Variants in APAF1 observed in about 807,000 individuals in gnomAD.
APAF1 encodes apoptotic peptidase activating factor 1.
Under a neutral mutation model 152.4 loss-of-function variants are expected in APAF1, and 91 were observed. The ratio of observed to expected loss-of-function variants is 0.60; its 90% CI spans 0.50 to 0.71. The LOEUF is 0.71. APAF1 is among the 30% of genes least tolerant of loss of function. The pLI, the probability that APAF1 is intolerant of heterozygous loss-of-function variation, is 0.00. For missense variants in APAF1, 1,283 were observed against 1,472.0 expected (o/e 0.87, Z 2.10); for synonymous variants, 484 against 494.1 (o/e 0.98, Z 0.27).
chr12:98,662,642 T>A, intron 6 of APAF1, 33 bp from the exon 7 acceptor site: 1 of 1,611,972 alleles, frequency 6.2e-7, no homozygotes, highest in Non-Finnish European at 8.5e-7. Flanking sequence ...ACATACCAAA[T>A]TACTTACTTT....
At position 98,680,298 on chromosome 12, in the gene APAF1, G is replaced by C. The variant is rs1205407334; in HGVS notation, c.1942G>C (p.Glu648Gln). 2 of 1,609,756 alleles carry C rather than the reference G, an allele frequency of 1.2e-6. No individual in the cohort carries two copies. Among genetic ancestry groups the C allele is most frequent in the Admixed American group, 1.7e-5 (1 of 59,534 alleles). Residue 648 changes from glutamate (E) to glutamine (Q), a missense_variant, in exon 14 of 27, where the codon GAG becomes CAG. Transcript: ENST00000551964. ...TLQVFKAETG[E>Q]KLLEIKAHED... Reference sequence around the variant, plus strand: ...GCAGGTGTTCAAAGCTGAAACAGGAGAGAAACTTCTAGAAATCAAGGCTCA... The same window carrying C: ...GCAGGTGTTCAAAGCTGAAACAGGACAGAAACTTCTAGAAATCAAGGCTCA...
At chr12:98,654,345 G>C (rs2097653644) in intron 4 of APAF1, among the ~76,000 whole-genome samples, 1 of 152,114 alleles carries the variant, frequency 6.6e-6, no homozygotes, top group South Asian at 2.1e-4. Context: ...ATTAAAATAT[G>C]AAAGAATTTA....
At chr12:98,698,768 G>A (rs567642525) in intron 16 of APAF1, among the ~76,000 whole-genome samples, 1 of 152,344 alleles carries the variant, frequency 6.6e-6, no homozygotes, top group East Asian at 1.9e-4. Flanking sequence ...TGGCCCAGAG[G>A]AGTGAAGGTG....
At chr12:98,654,834 T>A (rs1433006950) in intron 4 of APAF1, among the ~76,000 whole-genome samples, 29 of 132,272 alleles carry the variant, frequency 2.2e-4, no homozygotes, top group South Asian at 2.6e-4. Context: ...TTTTTTTTTT[T>A]TAATTTATTT....
At chr12:98,670,746 C>T in intron 10 of APAF1, 1 of 360,374 alleles carries the variant, frequency 2.8e-6, no homozygotes, top group Admixed American at 4.2e-5. Flanking sequence ...TAAATGTTTT[C>T]TATTTTCTAT....
At chr12:98,656,446 A>G (rs1369541330) in intron 4 of APAF1, among the ~76,000 whole-genome samples, 1 of 152,176 alleles carries the variant, frequency 6.6e-6, no homozygotes, top group Non-Finnish European at 1.5e-5. Flanking sequence ...ACCTTCTTCT[A>G]AGACATTGGC....
rs1361940729 is a variant in APAF1, at chr12:98,699,545, G to C, written c.2442G>C (p.Met814Ile). 6.2e-7 allele frequency: 1 copy of C among 1,613,980 alleles called. No individual in the cohort carries two copies. The highest frequency in any genetic ancestry group is 8.5e-7 in the Non-Finnish European group (1 of 1,180,022). The change falls in exon 17 of 27, where the codon ATG becomes ATC. Residue 814 changes from methionine to isoleucine, a missense_variant. Transcript: ENST00000551964. ...GGTCTGCTGATGGTGCAAGGATAAT[G>C]GTGGCAGCAAAAAATAAAATCTTTG... ...CSWSADGARI[M>I]VAAKNKIFLF... is the part of the protein sequence containing the mutation.
At chr12:98,654,835 T>TAA (rs34019025) in intron 4 of APAF1, among the ~76,000 whole-genome samples, 8 of 127,894 alleles carry the variant, frequency 6.3e-5, no homozygotes, top group Non-Finnish European at 9.9e-5. Flanking sequence ...TTTTTTTTTT[T>TAA]AATTTATTTT....
intron 17 of APAF1, among the ~76,000 whole-genome samples, chr12:98,703,169 T>C (rs540142147): frequency 1.3e-5 from 2 of 152,350 alleles, no homozygotes; most frequent in Admixed American, 6.5e-5. Context: ...TTTTCCTTTA[T>C]AGAAAATATG....
intron 24 of APAF1, among the ~76,000 whole-genome samples, chr12:98,724,734 G>GTTTA (rs373829999): frequency 6.6e-6 from 1 of 151,894 alleles, no homozygotes; most frequent in Non-Finnish European, 1.5e-5. Flanking sequence ...CTGTTCGTGA[G>GTTTA]CCTGTCTTTG....
At chr12:98,668,915 A>G (rs866776139) in intron 10 of APAF1, among the ~76,000 whole-genome samples, 2 of 152,334 alleles carry the variant, frequency 1.3e-5, no homozygotes, top group South Asian at 4.1e-4. Context: ...TTATTAGCAC[A>G]TAGATGGTAT....
chr12:98,711,751 C>T (rs1171546070), intron 20 of APAF1, among the ~76,000 whole-genome samples: 1 of 152,162 alleles, frequency 6.6e-6, no homozygotes, highest in Non-Finnish European at 1.5e-5. Context: ...ATTAGGTAAT[C>T]TTTGTTCAAG....
At chr12:98,655,484 CG>C (rs1565856830) in intron 4 of APAF1, among the ~76,000 whole-genome samples, 1 of 149,152 alleles carries the variant, frequency 6.7e-6, no homozygotes, top group African/African-American at 2.5e-5. Flanking sequence ...CCCTCCCGGA[CG>C]GGGCGGCTGG....
In APAF1 at chr12:98,724,009, A is replaced by G. The variant is rs181415158; in HGVS notation, c.3330+245A>G. On this transcript the variant is annotated intron_variant, in intron 24 of 26. Transcript: ENST00000551964. ...CTATAACTAATCAAATGCAACCTCT[A>G]CTGCATATTGTAGGCAATAAAAATC... Among the ~76,000 whole-genome samples, 266 of 152,366 alleles carry G rather than the reference A, an allele frequency of 1.7e-3. 1 individual carries two copies. The highest frequency in any genetic ancestry group is 3.1e-3 in the Non-Finnish European group (212 of 68,030).
intron 16 of APAF1, among the ~76,000 whole-genome samples, chr12:98,688,470 CTTTTT>C (rs66619012): frequency 3.1e-5 from 3 of 97,312 alleles, no homozygotes; most frequent in Admixed American, 1.1e-4. Flanking sequence ...TGTTTTCTTT[CTTTTT>C]TTTTTTTTTT....
At chr12:98,671,791 C>T (rs1425821642) in intron 12 of APAF1, 72 bp downstream of exon 12, 22 of 1,419,802 alleles carry the variant, frequency 1.5e-5, no homozygotes, top group Admixed American at 6.8e-5. Context: ...GTGGTGAATA[C>T]GATCACTCCA....
Position 98,703,411 on chromosome 12 carries a change from AC to A in APAF1, c.2508del (p.His836GlnfsTer29), listed in dbSNP as rs775518444. 1.2e-6 allele frequency: 2 copies of A among 1,614,078 alleles called. No homozygotes were observed. The highest frequency in any genetic ancestry group is 1.7e-6 in the Non-Finnish European group (2 of 1,180,016). On this transcript the variant is annotated frameshift_variant, in exon 18 of 27. Transcript: ENST00000551964. LOFTEE classifies it high-confidence loss of function. ...ACTAGTGGCCTATTGGGAGAAATCC[AC>A]ACGGGCCATCACAGCACCATCCAGT... ...IHTSGLLGEIHTGHHSTIQYC... is the reference protein window; with the variant it reads ...IHTSGLLGEIXTGHHSTIQYC...
chr12:98,666,371 G>A lies in APAF1; in HGVS notation c.1362+14G>A, dbSNP rs2097672733. On this transcript the variant is annotated intron_variant, in intron 9 of 26. Transcript: ENST00000551964. ...AGCCAGCTTCAGGTACTTGCATCTT[G>A]GTTTACTTTTTTTTTTCCTTTTTCC... 6.2e-7 allele frequency: 1 copy of A among 1,604,498 alleles called. No individual in the cohort carries two copies. Among genetic ancestry groups the A allele is most frequent in the Non-Finnish European group, 8.5e-7 (1 of 1,177,072 alleles).
intron 19 of APAF1, among the ~76,000 whole-genome samples, chr12:98,707,272 T>C (rs1353482293): frequency 6.6e-6 from 1 of 152,326 alleles, no homozygotes; most frequent in East Asian, 1.9e-4. Flanking sequence ...AACACTGGAC[T>C]GCTCACATTT....
Sources: gnomAD v4.1 joint callset for allele counts (sites outside exome capture counted in the v4.1 genomes callset) on GRCh38, gnomAD v4.1.1 for gene constraint, MANE v1.5 for transcripts, NCBI Gene and HGNC (gene_info 2026-07-23, HGNC 2026-07-21) for gene names.